Variants in PCNX2 observed in about 807,000 individuals in gnomAD.
PCNX2 encodes the protein pecanex-like protein 2.
Under a neutral mutation model 223.8 loss-of-function variants are expected in PCNX2, and 168 were observed. The observed-to-expected ratio is 0.75, with a 90% CI of 0.66 to 0.85. The LOEUF is 0.85. PCNX2 is among the 40% of genes least tolerant of loss of function. PCNX2 has a pLI of 0.00. For missense variants in PCNX2, 2,507 were observed against 2,675.5 expected, an observed-to-expected ratio of 0.94 and a Z score of 1.39; for synonymous variants, 1,006 against 1,052.6, an observed-to-expected ratio of 0.96 and a Z score of 0.86.
At chr1:233,267,713 G>A (rs1052835024) in intron 1 of PCNX2, among the ~76,000 whole-genome samples, 3 of 152,040 alleles carry the variant, frequency 2.0e-5, no homozygotes, top group Non-Finnish European at 2.9e-5. Flanking sequence ...CTTTTTTAAG[G>A]CTGAGTAATA....
rs577383211 is a variant in PCNX2 at position 233,223,536 on chromosome 1, C to T, written c.2504+3690G>A. Among the ~76,000 whole-genome samples, 23 of 152,242 alleles carry T rather than the reference C, an allele frequency of 1.5e-4. No individual in the cohort carries two copies. In the South Asian group the frequency reaches 4.8e-3, roughly 32 times the overall value. ...GGTATACATGTGCCATGGTGGTTTG[C>T]TGCACCCATCAACCCGTCATCTAGG... On this transcript the variant is annotated intron_variant, in intron 10 of 33. Transcript: ENST00000258229.
intron 20 of PCNX2, among the ~76,000 whole-genome samples, chr1:233,137,612 T>G (rs1016597628): frequency 6.6e-6 from 1 of 152,182 alleles, no homozygotes; most frequent in African/African-American, 2.4e-5. Flanking sequence ...TTTGTTTTAT[T>G]TAGTTTTGTA....
intron 17 of PCNX2, among the ~76,000 whole-genome samples, chr1:233,174,542 TC>T (rs1404956756): frequency 6.6e-6 from 1 of 151,924 alleles, no homozygotes; most frequent in Non-Finnish European, 1.5e-5. Context: ...GAACCCCTGT[TC>T]CAACATTCCA....
chr1:233,014,917 G>C (rs1252704026), intron 27 of PCNX2, 140 bp from the exon 28 acceptor site: 1 of 527,390 alleles, frequency 1.9e-6, no homozygotes, highest in African/African-American at 1.9e-5. Context: ...CCACAGACAG[G>C]GAATGCTCAG....
intron 1 of PCNX2, among the ~76,000 whole-genome samples, chr1:233,270,932 T>C (rs1198895826): frequency 6.6e-6 from 1 of 152,240 alleles, no homozygotes; most frequent in Non-Finnish European, 1.5e-5. Context: ...TTACTCACTT[T>C]GAAAATTATT....
chr1:233,282,784 C>T (rs1661255229), intron 1 of PCNX2, among the ~76,000 whole-genome samples: 1 of 152,120 alleles, frequency 6.6e-6, no homozygotes, highest in Admixed American at 6.5e-5. Context: ...AGTAATTCAG[C>T]ATATCTTTTT....
intron 25 of PCNX2, among the ~76,000 whole-genome samples, chr1:233,043,959 T>G (rs1671737645): frequency 6.6e-6 from 1 of 151,732 alleles, no homozygotes; most frequent in African/African-American, 2.4e-5. Context: ...TATTTCTAGT[T>G]CTAGATCCCT....
rs755910364 is a variant in PCNX2, at chr1:233,208,575, AC to A, written c.2805del (p.Tyr936MetfsTer3). 6.8e-6 allele frequency: 11 copies of A among 1,613,908 alleles called. No individual in the cohort carries two copies. The highest frequency in any genetic ancestry group is 8.5e-6 in the Non-Finnish European group (10 of 1,179,872). On this transcript the variant is annotated frameshift_variant, in exon 13 of 34. Transcript: ENST00000258229. LOFTEE classifies it high-confidence loss of function. ...AKARHPPSYV[V>X]YGLKLFSPVF... ...ACTGGAGAGAAGAGCTTCAGGCCAT[AC>A]ACAACGTAACTGGGAGGGTGCCTGG... is the stretch of plus-strand genomic sequence containing the variant.
intron 23 of PCNX2, among the ~76,000 whole-genome samples, chr1:233,075,989 C>T (rs545683961): frequency 6.6e-6 from 1 of 152,174 alleles, no homozygotes; most frequent in African/African-American, 2.4e-5. Flanking sequence ...GCAAATGCAA[C>T]TAATAAAAAT....
chr1:233,320,455 A>G, the PCNX2 span, among the ~76,000 whole-genome samples: 1 of 152,062 alleles, frequency 6.6e-6, no homozygotes, highest in African/African-American at 2.4e-5. Context: ...GTTCCATCCC[A>G]CAGGTCTCTC....
chr1:233,071,968 TC>T (rs1230466347), intron 23 of PCNX2, among the ~76,000 whole-genome samples: 1 of 152,242 alleles, frequency 6.6e-6, no homozygotes, highest in African/African-American at 2.4e-5. Flanking sequence ...TCTGTTCATG[TC>T]CTTTGCCCAC....
chr1:233,232,699 T>A, intron 9 of PCNX2: 1 of 611,904 alleles, frequency 1.6e-6, no homozygotes, highest in Non-Finnish European at 2.0e-6. Flanking sequence ...AATATTCTTA[T>A]GAGTTCTTGT....
Position 232,991,324 on chromosome 1 carries a change from G to A in PCNX2, c.5792-4784C>T, listed in dbSNP as rs1160684056. Among the ~76,000 whole-genome samples, 2 of 152,094 alleles carry A rather than the reference G, an allele frequency of 1.3e-5. No individual in the cohort carries two copies. The highest frequency in any genetic ancestry group is 4.8e-5 in the African/African-American group (2 of 41,406). On this transcript the variant is annotated intron_variant, in intron 32 of 33. Coordinates refer to ENST00000258229, the MANE Select transcript of PCNX2 (RefSeq NM_014801.4). The surrounding 1 kb of genome is among the most constrained non-coding windows in gnomAD (Gnocchi z 4.3). Reference sequence around the variant, plus strand: ...CCTGGAAAGGAGAATGCTTGACACTGTTGAGGGACAGCAAGAGACCGTGTG... The same window carrying A: ...CCTGGAAAGGAGAATGCTTGACACTATTGAGGGACAGCAAGAGACCGTGTG...
At chr1:233,263,198 C>T (rs769781752) in intron 1 of PCNX2, 35 bp from the exon 2 acceptor site, 11 of 1,494,562 alleles carry the variant, frequency 7.4e-6, no homozygotes, top group East Asian at 2.3e-5. Context: ...AAATCATTTG[C>T]TTTTAAGATT....
rs146247561 is a variant in PCNX2, at chr1:233,014,536, T to G, written c.4952+129A>C. 797 of 684,372 alleles carry G rather than the reference T, an allele frequency of 1.2e-3. 5 individuals are homozygous for G. In the African/African-American group the frequency reaches 0.013, roughly 11 times the overall value. The allele number at this position is 684,372 out of a possible 1,614,324, so 42.4% of individuals were successfully genotyped here. A position where few individuals can be genotyped will look rare whatever the true frequency, so the allele number is the denominator to read the frequency against. ...CATGTAGGCCCAATATAATTTATTATGAAAAGAACTATCTGAAAGTAGTAT... is the reference window on the plus strand; with the variant it reads ...CATGTAGGCCCAATATAATTTATTAGGAAAAGAACTATCTGAAAGTAGTAT... On this transcript the variant is annotated intron_variant, in intron 28 of 33. Transcript: ENST00000258229.
rs775205548 is a variant in PCNX2 at position 233,262,959 on chromosome 1, T to C, written c.358A>G (p.Ser120Gly). 5.0e-6 allele frequency: 8 copies of C among 1,612,372 alleles called. No homozygotes were observed. The South Asian group carries it at 8.8e-5, about 18-fold the overall frequency. ...TGTCACATTAATTGAAAATATTACC[T>C]TGGATTTCTGTGATTAGTTATGTGT... ...GEHITNHRNP[S>G]NNRQIHNGKK... Residue 120 changes from serine to glycine, a missense_variant and splice_region_variant, in exon 2 of 34, where the codon AGC (serine) becomes GGC (glycine). Coordinates refer to ENST00000258229, the MANE Select transcript of PCNX2 (RefSeq NM_014801.4).
At chr1:233,199,067 G>A (rs557071653) in intron 14 of PCNX2, 37 bp from the exon 15 acceptor site, 8 of 1,515,900 alleles carry the variant, frequency 5.3e-6, no homozygotes, top group East Asian at 4.9e-5. Context: ...TTCTAGACCC[G>A]CCATTCTTAA....
intron 32 of PCNX2, among the ~76,000 whole-genome samples, chr1:232,994,920 A>T (rs1047233514): frequency 6.6e-6 from 1 of 151,994 alleles, no homozygotes; most frequent in Admixed American, 6.6e-5. Flanking sequence ...AGTCAATTAA[A>T]CCTCCTTCCT....
intron 25 of PCNX2, among the ~76,000 whole-genome samples, chr1:233,030,190 CTGT>C (rs1236002924): frequency 6.6e-6 from 1 of 151,978 alleles, no homozygotes; most frequent in African/African-American, 2.4e-5. Flanking sequence ...TGGATCTTTT[CTGT>C]TGTTGTTGTT....
Sources: allele counts gnomAD v4.1 joint callset (sites outside exome capture counted in the v4.1 genomes callset), GRCh38; gene constraint gnomAD v4.1.1; non-coding constraint Gnocchi (gnomAD v3.1); transcripts MANE v1.5; gene names NCBI Gene and HGNC (gene_info 2026-07-23, HGNC 2026-07-21).